IGFL2: variants seen among roughly 807,000 people sequenced by gnomAD.
IGFL2 encodes the protein insulin growth factor-like family member 2.
A neutral mutation model predicts 13.9 loss-of-function variants in IGFL2; 7 were observed. That is an observed-to-expected ratio of 0.51 (90% CI 0.29 to 0.95). The LOEUF is 0.95. IGFL2 is among the 40% of genes least tolerant of loss of function. The probability of loss-of-function intolerance (pLI) is 0.08; values close to 1 mark genes in which losing one functional copy is unlikely to be tolerated. For synonymous variants in IGFL2, 55 were observed against 55.8 expected, an observed-to-expected ratio of 0.99 and a Z score of 0.07; for missense variants, 138 against 147.8, an observed-to-expected ratio of 0.93 and a Z score of 0.34.
the IGFL2 span, among the ~76,000 whole-genome samples, chr19:46,167,272 C>T: frequency 3.2e-4 from 48 of 152,294 alleles, no homozygotes; most frequent in East Asian, 9.1e-3. Context: ...AACTGGTGCC[C>T]ACCACTATGA....
chr19:46,088,513 G>A, the IGFL2 span, among the ~76,000 whole-genome samples: 1,613 of 152,248 alleles, frequency 0.011, 21 homozygotes, highest in African/African-American at 0.035. Flanking sequence ...GTTGAATGGT[G>A]CCATCATTCA....
chr19:46,148,995 A>G (rs1973293930), intron 1 of IGFL2: 2 of 1,602,838 alleles, frequency 1.2e-6, no homozygotes, highest in East Asian at 4.5e-5. Context: ...CATGAGGTTC[A>G]GTGTCTCAGG....
intron 3 of IGFL2, 24 bp downstream of exon 3, chr19:46,160,905 G>T (rs774611979): frequency 1.9e-6 from 3 of 1,611,218 alleles, no homozygotes; most frequent in South Asian, 2.2e-5. Flanking sequence ...CCCTGGCCAG[G>T]GGGTCGGGGG....
the IGFL2 span, among the ~76,000 whole-genome samples, chr19:46,103,710 A>G: frequency 2.6e-5 from 4 of 152,208 alleles, no homozygotes; most frequent in Non-Finnish European, 5.9e-5. Flanking sequence ...GTGCAATCCA[A>G]GTGGGAGGGG....
the IGFL2 span, chr19:46,136,656 T>TA: frequency 1.9e-5 from 8 of 424,514 alleles, no homozygotes; most frequent in South Asian, 9.0e-5. Flanking sequence ...CAGATATTAA[T>TA]AAAAAAATAT....
intron 1 of IGFL2, among the ~76,000 whole-genome samples, chr19:46,151,883 G>C (rs191853879): frequency 1.3e-5 from 2 of 152,198 alleles, no homozygotes; most frequent in Non-Finnish European, 2.9e-5. Context: ...CTGCACTCCA[G>C]CCTGGGTGAC....
the IGFL2 span, chr19:46,213,023 T>A: frequency 6.6e-6 from 1 of 152,252 alleles, no homozygotes; most frequent in Non-Finnish European, 1.5e-5. Flanking sequence ...GAGTGAGCAG[T>A]TACTGCATCC....
chr19:46,139,732 T>C (rs549279112), upstream of IGFL2, among the ~76,000 whole-genome samples: 1 of 152,268 alleles, frequency 6.6e-6, no homozygotes, highest in East Asian at 1.9e-4. Context: ...TAATACACTT[T>C]TTGGGATAGC....
the IGFL2 span, chr19:46,194,974 A>G: frequency 6.9e-6 from 1 of 145,854 alleles, no homozygotes; most frequent in East Asian, 2.0e-4. Context: ...TTTGGCCTCC[A>G]AAGGGGTTGG....
the IGFL2 span, among the ~76,000 whole-genome samples, chr19:46,128,305 G>A: frequency 2.0e-5 from 3 of 152,114 alleles, no homozygotes; most frequent in African/African-American, 4.8e-5. Context: ...ATAGTTTGAT[G>A]TACTCTCTTT....
chr19:46,158,410 C>T (rs939361017), intron 1 of IGFL2, among the ~76,000 whole-genome samples: 19 of 152,090 alleles, frequency 1.2e-4, no homozygotes, highest in Middle Eastern at 3.4e-3. Context: ...GGGGTTTCAC[C>T]CTGTTAGCCA....
the IGFL2 span, among the ~76,000 whole-genome samples, chr19:46,123,357 A>G: frequency 6.6e-6 from 1 of 150,884 alleles, no homozygotes; most frequent in Non-Finnish European, 1.5e-5. Context: ...ACTAATAAAA[A>G]TATGCTCAAA....
the IGFL2 span, chr19:46,214,344 G>C: frequency 6.6e-6 from 1 of 152,220 alleles, no homozygotes; most frequent in Non-Finnish European, 1.5e-5. Flanking sequence ...GAATCACCAG[G>C]TCGATTTAAA....
chr19:46,145,638 T>G (rs550519614), upstream of IGFL2, among the ~76,000 whole-genome samples: 722 of 112,828 alleles, frequency 6.4e-3, 4 homozygotes, highest in Middle Eastern at 0.025. Context: ...GTGTGTGTAT[T>G]TATTTATTTA....
downstream of IGFL2, among the ~76,000 whole-genome samples, chr19:46,163,254 G>T (rs1047176453): frequency 1.3e-5 from 2 of 152,182 alleles, no homozygotes; most frequent in African/African-American, 2.4e-5. Context: ...CTCCTGGGCT[G>T]CCCACTGCAG....
the IGFL2 span, among the ~76,000 whole-genome samples, chr19:46,178,372 C>G: frequency 6.6e-6 from 1 of 152,292 alleles, no homozygotes; most frequent in South Asian, 2.1e-4. Flanking sequence ...TAACATCACA[C>G]TACAGATAGC....
chr19:46,142,793 G>A (rs1972916762), upstream of IGFL2, among the ~76,000 whole-genome samples: 1 of 152,172 alleles, frequency 6.6e-6, no homozygotes, highest in African/African-American at 2.4e-5. Context: ...CCTTTTGCGT[G>A]TACTTCTGCC....
At chr19:46,199,059 C>G in the IGFL2 span, among the ~76,000 whole-genome samples, 1 of 152,190 alleles carries the variant, frequency 6.6e-6, no homozygotes, top group Non-Finnish European at 1.5e-5. Context: ...ATTTGGGTCT[C>G]ATCCAGGGAT....
the IGFL2 span, among the ~76,000 whole-genome samples, chr19:46,087,348 G>C: frequency 6.6e-6 from 1 of 152,300 alleles, no homozygotes; most frequent in South Asian, 2.1e-4. Flanking sequence ...GGCTGGTTGG[G>C]CCTAACCTCA....
Sources: allele counts gnomAD v4.1 joint callset (sites outside exome capture counted in the v4.1 genomes callset), GRCh38; gene constraint gnomAD v4.1.1; transcripts MANE v1.5; gene names NCBI Gene and HGNC (gene_info 2026-07-23, HGNC 2026-07-21).